The following SENP6 variants were observed in gnomAD, a reference collection of about 807,000 sequenced individuals.
SENP6 encodes the protein sentrin-specific protease 6.
Under a neutral mutation model 134.5 loss-of-function variants are expected in SENP6, and 41 were observed. That is an observed-to-expected ratio of 0.30 (90% CI 0.24 to 0.40). The LOEUF is 0.40. SENP6 is among the 10% of genes least tolerant of loss of function. SENP6 has a pLI of 1.00. For synonymous variants in SENP6, 395 were observed against 429.8 expected, an observed-to-expected ratio of 0.92 and a Z score of 1.00; for missense variants, 1,248 against 1,312.5, an observed-to-expected ratio of 0.95 and a Z score of 0.76.
intron 7 of SENP6, among the ~76,000 whole-genome samples, chr6:75,650,600 A>G (rs1257161255): frequency 6.6e-6 from 1 of 152,242 alleles, no homozygotes; most frequent in Non-Finnish European, 1.5e-5. Context: ...TGGACTCATT[A>G]TTAATAAATG....
chr6:75,703,146 T>G, intron 19 of SENP6, 74 bp downstream of exon 19: 1 of 1,258,014 alleles, frequency 7.9e-7, no homozygotes. Context: ...AGGATTAAGA[T>G]CCTGTTTTAA....
intron 1 of SENP6, among the ~76,000 whole-genome samples, chr6:75,603,456 T>C (rs1025183337): frequency 6.6e-6 from 1 of 152,112 alleles, no homozygotes; most frequent in African/African-American, 2.4e-5. Context: ...GCAAAATGAG[T>C]CTCTGCTGCT....
rs764819324 is a variant in SENP6, at chr6:75,663,398, G to C, written c.874G>C (p.Asp292His). ...TCCAATTGATATTATTGTGAATTGT[G>C]ATGACAGTAAACACACTTATTTACA... The part of the protein sequence containing the change: ...KVPIDIIVNC[D>H]DSKHTYLQTN... The change falls in exon 9 of 24, where the codon GAT (aspartate) becomes CAT (histidine). Residue 292 changes from aspartate to histidine, a missense_variant. By Grantham distance (81) the Asp-to-His change is moderately conservative. Transcript: ENST00000447266. The C allele has an allele frequency of 6.2e-7, 1 of 1,613,740 alleles. No individual in the cohort carries two copies. The highest frequency in any genetic ancestry group is 1.7e-5 in the Admixed American group (1 of 60,004).
At chr6:75,638,490 A>G (rs1769700462) in intron 5 of SENP6, among the ~76,000 whole-genome samples, 1 of 148,170 alleles carries the variant, frequency 6.7e-6, no homozygotes, top group Non-Finnish European at 1.5e-5. Flanking sequence ...AATCAGATAC[A>G]TTATAATGAA....
chr6:75,614,260 CTTTT>C (rs1024636893), intron 1 of SENP6, among the ~76,000 whole-genome samples: 3 of 140,218 alleles, frequency 2.1e-5, no homozygotes, highest in Non-Finnish European at 4.6e-5. Context: ...AAGTTACTAT[CTTTT>C]TTTTTTTTTT....
intron 1 of SENP6, among the ~76,000 whole-genome samples, chr6:75,612,312 A>G (rs764826263): frequency 6.6e-6 from 1 of 152,178 alleles, no homozygotes; most frequent in Non-Finnish European, 1.5e-5. Context: ...TCGAACATAC[A>G]CATTTAATTC....
chr6:75,614,887 T>C (rs1767733949), intron 1 of SENP6, among the ~76,000 whole-genome samples: 1 of 152,170 alleles, frequency 6.6e-6, no homozygotes, highest in African/African-American at 2.4e-5. Flanking sequence ...GCAAGTTTTT[T>C]GTTGTTGTTG....
chr6:75,648,555 T>C (rs1770627354), intron 7 of SENP6, among the ~76,000 whole-genome samples: 1 of 152,176 alleles, frequency 6.6e-6, no homozygotes, highest in South Asian at 2.1e-4. Flanking sequence ...TTTGTGCATG[T>C]ATTGAACATT....
chr6:75,678,517 G>GCTAA, intron 14 of SENP6, 66 bp from the exon 15 acceptor site: 1 of 791,230 alleles, frequency 1.3e-6, no homozygotes, highest in Non-Finnish European at 2.2e-6. Context: ...CTTGCCTTGT[G>GCTAA]CTTACCCTTT....
chr6:75,706,490 T>G (rs1190410459), intron 19 of SENP6, among the ~76,000 whole-genome samples: 1 of 152,176 alleles, frequency 6.6e-6, no homozygotes, highest in Non-Finnish European at 1.5e-5. Context: ...TCCAGAGATT[T>G]CTAGTGCCCT....
chr6:75,622,647 C>A, intron 2 of SENP6: 1 of 429,780 alleles, frequency 2.3e-6, no homozygotes, highest in Non-Finnish European at 4.2e-6. Flanking sequence ...ACAACAAATT[C>A]AGAGATCCAC....
chr6:75,699,036 A>G (rs2149897042), intron 18 of SENP6, among the ~76,000 whole-genome samples: 1 of 152,034 alleles, frequency 6.6e-6, no homozygotes, highest in East Asian at 1.9e-4. Flanking sequence ...AAAAGAAAAA[A>G]AAAGACAGAA....
intron 18 of SENP6, among the ~76,000 whole-genome samples, chr6:75,699,354 C>CTTTTTTT (rs71544060): frequency 9.6e-5 from 11 of 115,024 alleles, no homozygotes; most frequent in African/African-American, 1.6e-4. Flanking sequence ...TTTGTTTTTG[C>CTTTTTTT]TTTTTTTTTT....
rs61476950 is a variant in SENP6 at position 75,672,532 on chromosome 6, C to A, written c.1392+1812C>A. 9.5e-3 allele frequency among the ~76,000 whole-genome samples: 1,439 copies of A among 152,250 alleles called. 23 individuals carry two copies. Among genetic ancestry groups the A allele is most frequent in the African/African-American group, 0.033 (1,378 of 41,534 alleles). On this transcript the variant is annotated intron_variant, in intron 11 of 23. Transcript: ENST00000447266. ...AATTTGCAGTGTGGTATTAACCTTA[C>A]TTGTAGCATGAGATTTTTAGCAAAG...
At chr6:75,668,969 T>C (rs1453437150) in intron 10 of SENP6, among the ~76,000 whole-genome samples, 1 of 152,198 alleles carries the variant, frequency 6.6e-6, no homozygotes, top group Non-Finnish European at 1.5e-5. Flanking sequence ...ATTAGTGAGC[T>C]AAATAACCTC....
At chr6:75,700,753 A>T (rs1289692201) in intron 18 of SENP6, among the ~76,000 whole-genome samples, 1 of 152,090 alleles carries the variant, frequency 6.6e-6, no homozygotes, top group Non-Finnish European at 1.5e-5. Context: ...CAACCTCCCA[A>T]AGTGTTGGGA....
chr6:75,660,792 C>T (rs777323391), intron 8 of SENP6, among the ~76,000 whole-genome samples: 12 of 152,068 alleles, frequency 7.9e-5, no homozygotes, highest in African/African-American at 1.2e-4. Context: ...CCACCATACC[C>T]GGCTTATTTT....
chr6:75,669,579 A>C (rs1772511543), intron 10 of SENP6, among the ~76,000 whole-genome samples: 1 of 152,156 alleles, frequency 6.6e-6, no homozygotes, highest in Non-Finnish European at 1.5e-5. Context: ...TAAAGATACT[A>C]ATATAATTAC....
chr6:75,637,569 A>G (rs1288223740), intron 5 of SENP6, among the ~76,000 whole-genome samples: 1 of 152,196 alleles, frequency 6.6e-6, no homozygotes, highest in Non-Finnish European at 1.5e-5. Context: ...CCTAACTTCA[A>G]TCTGACTTGT....
Sources: allele counts gnomAD v4.1 joint callset (sites outside exome capture counted in the v4.1 genomes callset), GRCh38; gene constraint gnomAD v4.1.1; transcripts MANE v1.5; gene names NCBI Gene and HGNC (gene_info 2026-07-23, HGNC 2026-07-21).